MTMR12: variants seen among roughly 807,000 people sequenced by gnomAD.
MTMR12 encodes myotubularin-related protein 12.
In MTMR12, 33 loss-of-function variants were observed where a neutral mutation model predicts 96.7. The ratio of observed to expected loss-of-function variants is 0.34; its 90% confidence interval spans 0.26 to 0.46. The LOEUF (loss-of-function observed/expected upper bound fraction) is 0.46. MTMR12 is among the 20% of genes least tolerant of loss of function. The pLI is 1.00. For missense variants in MTMR12, 721 were observed against 896.1 expected, an observed-to-expected ratio of 0.80 and a Z score of 2.49; for synonymous variants, 298 against 327.2, an observed-to-expected ratio of 0.91 and a Z score of 0.96.
At chr5:32,244,482 T>C (rs1302879216) in intron 10 of MTMR12, among the ~76,000 whole-genome samples, 1 of 152,018 alleles carries the variant, frequency 6.6e-6, no homozygotes, top group Non-Finnish European at 1.5e-5. Flanking sequence ...TCCCAGCCAC[T>C]TGGGAGGCTG....
chr5:32,247,743 T>G, intron 10 of MTMR12: 1 of 985,142 alleles, frequency 1.0e-6, no homozygotes, highest in Non-Finnish European at 1.2e-6. Context: ...ACTGGGCAAA[T>G]GGTATGCTGA....
At chr5:32,271,066 T>C in intron 4 of MTMR12, 119 bp from the exon 5 acceptor site, 1 of 1,222,598 alleles carries the variant, frequency 8.2e-7, no homozygotes. Context: ...AGAGGAAAGG[T>C]GCTGCCTGAC....
chr5:32,294,954 T>G (rs994576511), intron 1 of MTMR12, among the ~76,000 whole-genome samples: 4 of 152,224 alleles, frequency 2.6e-5, no homozygotes, highest in African/African-American at 9.6e-5. Flanking sequence ...AGAAACACAT[T>G]CTGGTCTCAC....
chr5:32,270,976 G>C (rs753980668), intron 4 of MTMR12, 29 bp from the exon 5 acceptor site: 2 of 1,594,712 alleles, frequency 1.3e-6, no homozygotes, highest in Admixed American at 1.8e-5. Flanking sequence ...ATCAGGAAGG[G>C]AAATTATGTT....
chr5:32,266,338 A>G (rs1749592841), intron 6 of MTMR12, among the ~76,000 whole-genome samples: 1 of 152,244 alleles, frequency 6.6e-6, no homozygotes, highest in African/African-American at 2.4e-5. Flanking sequence ...ATGGATAGTG[A>G]CAAAGCAACT....
At chr5:32,271,958 T>G in intron 3 of MTMR12, 53 bp from the exon 4 acceptor site, 3 of 1,101,794 alleles carry the variant, frequency 2.7e-6, no homozygotes, top group South Asian at 3.1e-5. Context: ...TGTTAGACAT[T>G]TATAGGCAGA....
At chr5:32,291,148 GA>G (rs968189005) in intron 1 of MTMR12, among the ~76,000 whole-genome samples, 3 of 152,308 alleles carry the variant, frequency 2.0e-5, no homozygotes, top group African/African-American at 4.8e-5. Context: ...ACCTCATGGG[GA>G]GTTCCCTATG....
intron 1 of MTMR12, among the ~76,000 whole-genome samples, chr5:32,308,116 G>C (rs1453436553): frequency 6.6e-6 from 1 of 152,226 alleles, no homozygotes; most frequent in East Asian, 1.9e-4. Flanking sequence ...GAGGTCAGGA[G>C]TTCGAGACCA....
intron 1 of MTMR12, among the ~76,000 whole-genome samples, chr5:32,299,924 C>T (rs575292098): frequency 2.9e-4 from 44 of 152,050 alleles, no homozygotes; most frequent in African/African-American, 9.7e-4. Flanking sequence ...GCTTTAATGT[C>T]GACCTTTCCA....
chr5:32,277,132 G>A (rs769021026), intron 1 of MTMR12, among the ~76,000 whole-genome samples: 13 of 152,066 alleles, frequency 8.5e-5, no homozygotes, highest in African/African-American at 1.4e-4. Flanking sequence ...TGATCTGCCC[G>A]CGTCAGCCTC....
rs368523148 is a variant in MTMR12 at position 32,247,081 on chromosome 5, G to A, written c.1021+921C>T. Among the ~76,000 whole-genome samples, 5 of 152,212 alleles carry A rather than the reference G, an allele frequency of 3.3e-5. No homozygotes were observed. In the East Asian group the frequency reaches 5.8e-4, roughly 18 times the overall value. On this transcript the variant is annotated intron_variant, in intron 10 of 15. Coordinates refer to ENST00000382142, the MANE Select transcript of MTMR12 (RefSeq NM_001040446.3). ...AAAAGTCCAAGTTAGTCCAGGCAGC[G>A]GCTCATGCCTATAATCCCAGCACTT...
chr5:32,255,253 T>G (rs920509760), intron 8 of MTMR12, among the ~76,000 whole-genome samples: 2 of 152,226 alleles, frequency 1.3e-5, no homozygotes, highest in African/African-American at 4.8e-5. Flanking sequence ...ACATTAAATA[T>G]GGCTCCAATC....
intron 1 of MTMR12, 88 bp from the exon 2 acceptor site, chr5:32,276,830 AT>A (rs1366430851): frequency 3.9e-5 from 38 of 982,690 alleles, no homozygotes; most frequent in Middle Eastern, 5.3e-4. Flanking sequence ...ACACACTAAA[AT>A]ATCACATACC....
At chr5:32,304,501 AT>A (rs961043975) in intron 1 of MTMR12, among the ~76,000 whole-genome samples, 1 of 152,096 alleles carries the variant, frequency 6.6e-6, no homozygotes, top group Non-Finnish European at 1.5e-5. Flanking sequence ...TAAGGTATAC[AT>A]TTTTTTGTAG....
Position 32,228,556 on chromosome 5 carries a change from G to GATAT in MTMR12, c.*1218_*1221dup, listed in dbSNP as rs201902531. On this transcript the variant is annotated 3_prime_UTR_variant, in exon 16 of 16. Coordinates refer to ENST00000382142, the MANE Select transcript of MTMR12 (RefSeq NM_001040446.3). ...TATGATATATATATCATATATATGT[G>GATAT]ATATATATATATCATATATATATCA... is the stretch of plus-strand genomic sequence containing the variant. 74 of 122,760 alleles carry GATAT rather than the reference G, an allele frequency of 6.0e-4. No individual in the cohort carries two copies. Among genetic ancestry groups the GATAT allele is most frequent in the Admixed American group, 5.0e-3 (58 of 11,586 alleles). The allele number at this position is 122,760 out of a possible 1,614,324, so 7.6% of individuals were successfully genotyped here.
Position 32,236,114 on chromosome 5 carries a change from T to C in MTMR12, c.1345-985A>G, listed in dbSNP as rs1282697441. Among the ~76,000 whole-genome samples the C allele has an allele frequency of 2.6e-5, 4 of 152,286 alleles. No homozygotes were observed. In the East Asian group the frequency reaches 7.7e-4, roughly 29 times the overall value. ...TGGAAAATATTTGAACTGCAATGTA[T>C]AGGCAGGGCAATAGGCTCAGAAAAT... On this transcript the variant is annotated intron_variant, in intron 13 of 15. Transcript: ENST00000382142.
At chr5:32,249,830 TGGA>T (rs1748845792) in intron 8 of MTMR12, among the ~76,000 whole-genome samples, 1 of 152,184 alleles carries the variant, frequency 6.6e-6, no homozygotes, top group Admixed American at 6.5e-5. Flanking sequence ...GAAGCTAGAA[TGGA>T]GAAGAAAGAC....
Position 32,312,882 on chromosome 5 carries a change from G to C in MTMR12, c.-44C>G, listed in dbSNP as rs1288586664. The C allele has an allele frequency of 6.7e-7, 1 of 1,494,538 alleles. No homozygotes were observed. Among genetic ancestry groups the C allele is most frequent in the South Asian group, 1.2e-5 (1 of 81,378 alleles). 92.6% of individuals were successfully genotyped at this position (1,494,538 alleles called of 1,614,324 possible). On this transcript the variant is annotated 5_prime_UTR_variant, in exon 1 of 16. Coordinates refer to ENST00000382142, the MANE Select transcript of MTMR12 (RefSeq NM_001040446.3). The surrounding 1 kb of genome is among the most constrained non-coding windows in gnomAD (Gnocchi z 5.0). ...AGCGACGCGCGGACGCAGAGGCGGCGGCTCGGGCTCCAGCTGGGGCAGCAG... is the reference window on the plus strand; with the variant it reads ...AGCGACGCGCGGACGCAGAGGCGGCCGCTCGGGCTCCAGCTGGGGCAGCAG...
intron 1 of MTMR12, among the ~76,000 whole-genome samples, chr5:32,292,348 T>A (rs1291684639): frequency 1.3e-5 from 2 of 152,182 alleles, no homozygotes; most frequent in Non-Finnish European, 2.9e-5. Flanking sequence ...AGTGATCCAC[T>A]AGCAAAATTT....
Sources: gnomAD v4.1 joint callset for allele counts (sites outside exome capture counted in the v4.1 genomes callset) on GRCh38, gnomAD v4.1.1 for gene constraint, Gnocchi (gnomAD v3.1) non-coding constraint, MANE v1.5 for transcripts, NCBI Gene and HGNC (gene_info 2026-07-23, HGNC 2026-07-21) for gene names.